Variants in SCAPER observed in about 807,000 individuals in gnomAD.
The protein encoded by SCAPER is S phase cyclin A-associated protein in the endoplasmic reticulum.
Under a neutral mutation model 182.2 loss-of-function variants are expected in SCAPER, and 98 were observed. That is an observed-to-expected ratio of 0.54 (90% CI 0.46 to 0.64). SCAPER has a LOEUF of 0.64. Ranked by LOEUF, SCAPER falls within the 30% of genes least tolerant of loss-of-function variation. The pLI, the probability that SCAPER is intolerant of heterozygous loss-of-function variation, is 0.00. For synonymous variants in SCAPER, 605 were observed against 564.6 expected (o/e 1.07, Z -1.01); for missense variants, 1,432 against 1,690.0 (o/e 0.85, Z 2.68).
intron 17 of SCAPER, among the ~76,000 whole-genome samples, chr15:76,713,107 C>T (rs527687233): frequency 9.9e-5 from 15 of 152,170 alleles, no homozygotes; most frequent in South Asian, 2.1e-4. Context: ...TTTTGAGATA[C>T]GTACCATCAA....
In SCAPER at chr15:76,731,591, T is replaced by C. The variant is rs75137746; in HGVS notation, c.2022+1638A>G. Among the ~76,000 whole-genome samples, 90 of 152,348 alleles carry C rather than the reference T, an allele frequency of 5.9e-4. 1 individual carries two copies. In the East Asian group the frequency reaches 0.014, roughly 23 times the overall value. ...ACCATTATTGTATTTACAGAATACTTGGCACTAGTGCCTGTACAGCAAGTA... is the reference window on the plus strand; with the variant it reads ...ACCATTATTGTATTTACAGAATACTCGGCACTAGTGCCTGTACAGCAAGTA... On this transcript the variant is annotated intron_variant, in intron 16 of 31. Transcript: ENST00000563290.
chr15:76,578,213 G>T (rs1171577088), intron 22 of SCAPER, among the ~76,000 whole-genome samples: 1 of 152,058 alleles, frequency 6.6e-6, no homozygotes, highest in African/African-American at 2.4e-5. Context: ...TGATTCCTAA[G>T]GTTTCTGACT....
At chr15:76,706,022 T>G in intron 17 of SCAPER, 38 bp from the exon 18 acceptor site, 2 of 1,468,102 alleles carry the variant, frequency 1.4e-6, no homozygotes, top group Non-Finnish European at 1.8e-6. Flanking sequence ...CTCAACTGCT[T>G]AAAGTAACAA....
intron 8 of SCAPER, among the ~76,000 whole-genome samples, chr15:76,777,505 C>A (rs895391237): frequency 6.6e-6 from 1 of 150,608 alleles, no homozygotes; most frequent in Non-Finnish European, 1.5e-5. Flanking sequence ...TAATGACCAG[C>A]CTAACATGGT....
chr15:76,658,179 C>G (rs2055832491), intron 21 of SCAPER, among the ~76,000 whole-genome samples: 1 of 152,016 alleles, frequency 6.6e-6, no homozygotes, highest in Non-Finnish European at 1.5e-5. Flanking sequence ...AGTTTCTACC[C>G]CAAAATTCCT....
intron 31 of SCAPER, 41 bp downstream of exon 31, chr15:76,351,196 G>C: frequency 6.4e-6 from 10 of 1,558,114 alleles, no homozygotes; most frequent in Non-Finnish European, 8.7e-6. Context: ...ATGTCCATTT[G>C]GCTAACAAAC....
chr15:76,557,314 A>G (rs1167100604), intron 23 of SCAPER, among the ~76,000 whole-genome samples: 1 of 152,232 alleles, frequency 6.6e-6, no homozygotes, highest in Admixed American at 6.5e-5. Flanking sequence ...AGTGCTAAGC[A>G]AAAAGAACTA....
intron 23 of SCAPER, among the ~76,000 whole-genome samples, chr15:76,514,508 C>A (rs1204410436): frequency 6.6e-6 from 1 of 152,202 alleles, no homozygotes; most frequent in Admixed American, 6.5e-5. Context: ...CCTGCAAAGG[C>A]TAGTGGCCTT....
At chr15:76,378,915 G>T (rs943450218) in intron 28 of SCAPER, among the ~76,000 whole-genome samples, 4 of 152,104 alleles carry the variant, frequency 2.6e-5, no homozygotes, top group Admixed American at 2.6e-4. Flanking sequence ...CATCAAACAT[G>T]ACAGTAAAGA....
At chr15:76,431,343 T>G (rs1402044784) in intron 26 of SCAPER, among the ~76,000 whole-genome samples, 1 of 152,208 alleles carries the variant, frequency 6.6e-6, no homozygotes, top group African/African-American at 2.4e-5. Flanking sequence ...GGCCATACTT[T>G]GAATTGAAAA....
intron 28 of SCAPER, among the ~76,000 whole-genome samples, chr15:76,379,550 C>T (rs1394124136): frequency 6.6e-6 from 1 of 152,040 alleles, no homozygotes; most frequent in East Asian, 1.9e-4. Context: ...TTTATTCCTG[C>T]TGTTTTCGGC....
At chr15:76,404,395 G>T in intron 27 of SCAPER, 129 bp downstream of exon 27, 3 of 881,658 alleles carry the variant, frequency 3.4e-6, no homozygotes, top group Non-Finnish European at 5.0e-6. Context: ...AGCCAATGAT[G>T]GGGAAAGAAC....
intron 22 of SCAPER, among the ~76,000 whole-genome samples, chr15:76,606,898 G>A (rs1426407555): frequency 3.3e-5 from 5 of 151,986 alleles, no homozygotes; most frequent in Admixed American, 1.3e-4. Flanking sequence ...TTTATTTTGA[G>A]CCTATGTGTA....
At chr15:76,692,951 G>A (rs1222214468) in intron 20 of SCAPER, among the ~76,000 whole-genome samples, 1 of 151,954 alleles carries the variant, frequency 6.6e-6, no homozygotes, top group East Asian at 1.9e-4. Flanking sequence ...ATAGAATATT[G>A]CAATATTCTG....
intron 23 of SCAPER, among the ~76,000 whole-genome samples, chr15:76,549,586 G>A (rs1307684809): frequency 6.6e-6 from 1 of 152,126 alleles, no homozygotes; most frequent in Admixed American, 6.5e-5. Context: ...ATCACACTCT[G>A]GGGACTGTTG....
chr15:76,572,009 A>G (rs1424363166), intron 23 of SCAPER, among the ~76,000 whole-genome samples: 1 of 152,148 alleles, frequency 6.6e-6, no homozygotes, highest in African/African-American at 2.4e-5. Context: ...CCTGCAGTGT[A>G]TACTCTGAGG....
intron 24 of SCAPER, among the ~76,000 whole-genome samples, chr15:76,502,585 G>A (rs1041876678): frequency 1.3e-5 from 2 of 152,070 alleles, no homozygotes; most frequent in African/African-American, 2.4e-5. Flanking sequence ...GGTGGGAGGA[G>A]GGGGGAGGGA....
At chr15:76,450,550 T>C (rs920383517) in intron 25 of SCAPER, among the ~76,000 whole-genome samples, 7 of 152,178 alleles carry the variant, frequency 4.6e-5, no homozygotes, top group Admixed American at 4.6e-4. Flanking sequence ...TGTAAAAGCA[T>C]ATATATACAC....
chr15:76,674,412 T>C (rs905149994), intron 20 of SCAPER, among the ~76,000 whole-genome samples: 5 of 152,162 alleles, frequency 3.3e-5, no homozygotes, highest in Non-Finnish European at 5.9e-5. Flanking sequence ...CCAGACTCCA[T>C]AGTAATAGAG....
Sources: gnomAD v4.1 joint callset for allele counts (sites outside exome capture counted in the v4.1 genomes callset) on GRCh38, gnomAD v4.1.1 for gene constraint, MANE v1.5 for transcripts, NCBI Gene and HGNC (gene_info 2026-07-23, HGNC 2026-07-21) for gene names.